Variants in GPC5 observed in about 807,000 individuals in gnomAD.
GPC5 encodes glypican 5.
Under a neutral mutation model 53.9 loss-of-function variants are expected in GPC5, and 47 were observed. The ratio of observed to expected loss-of-function variants is 0.87; its 90% CI spans 0.69 to 1.11. The LOEUF is 1.11. GPC5 is among the 50% of genes most tolerant of loss of function. The pLI, the probability that GPC5 is intolerant of heterozygous loss-of-function variation, is 0.00. For missense variants in GPC5, 748 were observed against 713.1 expected, an observed-to-expected ratio of 1.05 and a Z score of -0.56; for synonymous variants, 286 against 263.3, an observed-to-expected ratio of 1.09 and a Z score of -0.84.
intron 7 of GPC5, among the ~76,000 whole-genome samples, chr13:92,820,668 C>T (rs1877643959): frequency 6.6e-6 from 1 of 152,116 alleles, no homozygotes; most frequent in Non-Finnish European, 1.5e-5. Flanking sequence ...TCTTTCAGTT[C>T]CCTAAATACA....
chr13:92,658,965 G>T (rs2139181116), intron 7 of GPC5: 1 of 107,490 alleles, frequency 9.3e-6, no homozygotes, highest in East Asian at 3.0e-4. Flanking sequence ...GTCTCGCTCT[G>T]TCGCCCAGGC....
At chr13:92,037,173 A>C (rs1281860043) in intron 6 of GPC5, among the ~76,000 whole-genome samples, 1 of 151,884 alleles carries the variant, frequency 6.6e-6, no homozygotes, top group Admixed American at 6.6e-5. Flanking sequence ...CTTTTTCATG[A>C]TGTCTGCGTG....
At chr13:91,813,509 T>C (rs896713419) in intron 5 of GPC5, among the ~76,000 whole-genome samples, 2 of 152,202 alleles carry the variant, frequency 1.3e-5, no homozygotes, top group Non-Finnish European at 2.9e-5. Context: ...CAGAACTGTA[T>C]TCTTTCACAA....
chr13:91,696,464 C>G (rs1218537976), intron 3 of GPC5, among the ~76,000 whole-genome samples: 1 of 152,120 alleles, frequency 6.6e-6, no homozygotes, highest in Non-Finnish European at 1.5e-5. Flanking sequence ...ATATTTATTT[C>G]TACCAATTCA....
intron 7 of GPC5, among the ~76,000 whole-genome samples, chr13:92,417,874 GAGTGAGACCCTGTCTC>G (rs1328534407): frequency 6.6e-6 from 1 of 152,196 alleles, no homozygotes; most frequent in South Asian, 2.1e-4. Flanking sequence ...TTGGGCGACA[GAGTGAGACCCTGTCTC>G]AGAAAAAGAA....
At chr13:92,797,319 AT>A (rs1473487818) in intron 7 of GPC5, among the ~76,000 whole-genome samples, 2 of 151,924 alleles carry the variant, frequency 1.3e-5, no homozygotes, top group African/African-American at 4.8e-5. Context: ...CACTTAATAT[AT>A]GAATTTATTC....
chr13:92,357,740 G>A (rs35801347), intron 7 of GPC5, among the ~76,000 whole-genome samples: 45,260 of 151,176 alleles, frequency 0.3, 7,388 homozygotes, highest in South Asian at 0.41. Flanking sequence ...AGAGAGAGAG[G>A]AGAGGTGCTA....
At chr13:92,056,635 A>G (rs1018992311) in intron 6 of GPC5, among the ~76,000 whole-genome samples, 6 of 152,174 alleles carry the variant, frequency 3.9e-5, no homozygotes, top group African/African-American at 1.4e-4. Flanking sequence ...TCACACTAAC[A>G]TATTTTTTAA....
chr13:91,628,613 C>G (rs79121057), intron 2 of GPC5, among the ~76,000 whole-genome samples: 5,704 of 152,228 alleles, frequency 0.037, 132 homozygotes, highest in Middle Eastern at 0.068. Context: ...GCTTTGAATT[C>G]AGACAGTACT....
intron 7 of GPC5, among the ~76,000 whole-genome samples, chr13:92,247,358 C>G (rs1391930144): frequency 6.6e-6 from 1 of 152,154 alleles, no homozygotes; most frequent in Admixed American, 6.6e-5. Context: ...GATTAGTTAA[C>G]TGTCTTATCT....
chr13:91,887,331 C>T (rs941526663), intron 5 of GPC5, among the ~76,000 whole-genome samples: 3 of 152,140 alleles, frequency 2.0e-5, no homozygotes, highest in Non-Finnish European at 4.4e-5. Context: ...GGCACCTGCA[C>T]CTGGCCCAGG....
chr13:92,742,155 G>C (rs1270863264), intron 7 of GPC5, among the ~76,000 whole-genome samples: 1 of 150,934 alleles, frequency 6.6e-6, no homozygotes, highest in Non-Finnish European at 1.5e-5. Context: ...CTGAGGAATC[G>C]CCACACTGAC....
intron 5 of GPC5, among the ~76,000 whole-genome samples, chr13:91,814,890 C>T (rs1407548203): frequency 6.6e-6 from 1 of 152,084 alleles, no homozygotes; most frequent in Non-Finnish European, 1.5e-5. Context: ...GTAGGAAACA[C>T]CTATGGTTCA....
intron 2 of GPC5, among the ~76,000 whole-genome samples, chr13:91,561,326 A>G (rs150967014): frequency 6.6e-6 from 1 of 152,160 alleles, no homozygotes; most frequent in African/African-American, 2.4e-5. Flanking sequence ...CTGGAATTTC[A>G]CTTAACTCTA....
chr13:92,522,882 A>T, intron 7 of GPC5, among the ~76,000 whole-genome samples: 1 of 152,164 alleles, frequency 6.6e-6, no homozygotes, highest in Non-Finnish European at 1.5e-5. Context: ...CTGAGCCAAT[A>T]AAGAAGCATA....
At chr13:92,119,600 T>C (rs2041631719) in intron 6 of GPC5, among the ~76,000 whole-genome samples, 1 of 141,696 alleles carries the variant, frequency 7.1e-6, no homozygotes, top group Admixed American at 7.1e-5. Context: ...TTTTGTATTT[T>C]TAGTAGAGAC....
intron 7 of GPC5, among the ~76,000 whole-genome samples, chr13:92,157,979 A>G (rs1174777938): frequency 6.6e-6 from 1 of 152,206 alleles, no homozygotes; most frequent in Non-Finnish European, 1.5e-5. Flanking sequence ...AATACATAAA[A>G]TTGAGAAATA....
intron 2 of GPC5, among the ~76,000 whole-genome samples, chr13:91,518,584 G>A (rs375776072): frequency 3.6e-4 from 55 of 152,090 alleles, no homozygotes; most frequent in South Asian, 6.2e-4. Flanking sequence ...ATGGAGTCTC[G>A]CTCTGTCGCC....
intron 7 of GPC5, among the ~76,000 whole-genome samples, chr13:92,483,329 C>A (rs1297797002): frequency 6.6e-6 from 1 of 152,180 alleles, no homozygotes; most frequent in Non-Finnish European, 1.5e-5. Context: ...GCCTTTTGCT[C>A]CCAGGCTACA....
Sources: gnomAD v4.1 joint callset for allele counts (sites outside exome capture counted in the v4.1 genomes callset) on GRCh38, gnomAD v4.1.1 for gene constraint, MANE v1.5 for transcripts, NCBI Gene and HGNC (gene_info 2026-07-23, HGNC 2026-07-21) for gene names.